Variants in RICTOR observed in about 807,000 individuals in gnomAD.
The protein encoded by RICTOR is RPTOR independent companion of MTOR complex 2, also known as rapamycin-insensitive companion of mTOR.
A neutral mutation model predicts 214.9 loss-of-function variants in RICTOR; 49 were observed. That is an observed-to-expected ratio of 0.23 (90% CI 0.18 to 0.29). The LOEUF (loss-of-function observed/expected upper bound fraction) is 0.29. Among genes scored for constraint, RICTOR ranks in the 10% least tolerant of loss-of-function variants. The pLI is 1.00. For synonymous variants in RICTOR, 717 were observed against 711.3 expected, an observed-to-expected ratio of 1.01 and a Z score of -0.13; for missense variants, 1,625 against 2,047.0, an observed-to-expected ratio of 0.79 and a Z score of 3.98.
intron 2 of RICTOR, among the ~76,000 whole-genome samples, chr5:39,050,405 C>A (rs1330584337): frequency 1.3e-5 from 2 of 151,932 alleles, no homozygotes; most frequent in African/African-American, 4.8e-5. Flanking sequence ...GGCACAATCT[C>A]GGCTCACTGT....
At chr5:39,022,988 C>T (rs756124888) in intron 2 of RICTOR, among the ~76,000 whole-genome samples, 6 of 152,000 alleles carry the variant, frequency 3.9e-5, no homozygotes, top group African/African-American at 1.2e-4. Flanking sequence ...GCTCAACAAG[C>T]GCCAATCACA....
chr5:38,978,366 T>C lies in RICTOR; in HGVS notation c.821+217A>G, dbSNP rs144279975. 4.6e-5 allele frequency among the ~76,000 whole-genome samples: 7 copies of C among 152,292 alleles called. No homozygotes were observed. The East Asian group carries it at 1.2e-3, about 25-fold the overall frequency. ...CCTTGGTTTCTGTCACAGTCTACCA[T>C]ATATTTTTGGAAATAAGAAATTAAT... is the stretch of plus-strand genomic sequence containing the variant. On this transcript the variant is annotated intron_variant, in intron 9 of 37. Transcript: ENST00000357387.
Position 38,952,434 on chromosome 5 carries a change from A to T in RICTOR, c.2898-9T>A. On this transcript the variant is annotated splice_polypyrimidine_tract_variant and intron_variant, in intron 29 of 37. Transcript: ENST00000357387. ...GTACATATACACAGGTCCTGTATAT[A>T]AAAGATGCAGTAAAAACAGTTATAA... The T allele has an allele frequency of 6.5e-7, 1 of 1,540,108 alleles. No homozygotes were observed. Among genetic ancestry groups the T allele is most frequent in the Non-Finnish European group, 9.0e-7 (1 of 1,114,438 alleles).
At chr5:38,985,477 T>C (rs1317074023) in intron 7 of RICTOR, among the ~76,000 whole-genome samples, 2 of 152,202 alleles carry the variant, frequency 1.3e-5, no homozygotes, top group African/African-American at 4.8e-5. Context: ...AAATTACTTA[T>C]TTTACTTGTT....
At chr5:38,949,517 T>A in intron 31 of RICTOR, 195 bp downstream of exon 31, 4 of 1,239,418 alleles carry the variant, frequency 3.2e-6, no homozygotes, top group Non-Finnish European at 4.5e-6. Flanking sequence ...CCTATAGGAT[T>A]TTCTTCCCCC....
chr5:39,018,902 G>A (rs1217206232), intron 3 of RICTOR, among the ~76,000 whole-genome samples: 3 of 152,110 alleles, frequency 2.0e-5, no homozygotes, highest in African/African-American at 7.2e-5. Flanking sequence ...GCCAACTTGT[G>A]AATGCAAAGG....
In RICTOR at chr5:38,959,268, A is replaced by T; in HGVS notation, c.2105T>A (p.Val702Asp). 6.3e-7 allele frequency: 1 copy of T among 1,598,472 alleles called. No homozygotes were observed. Among genetic ancestry groups the T allele is most frequent in the Non-Finnish European group, 8.5e-7 (1 of 1,170,834 alleles). Reference protein sequence around the residue: ...KNQDHLLKLTVSSLDYSRDGL... With the variant: ...KNQDHLLKLTDSSLDYSRDGL... ...ATCTCTGCTATAGTCCAAGCTAGAA[A>T]CAGTAAGTTTTAGCAAGTGATCTTG... Residue 702 changes from valine to aspartate, a missense_variant, in exon 22 of 38, where the codon GTT (valine) becomes GAT (aspartate). This residue lies in a region of RICTOR where 1,214 missense variants were observed against 1,470.5 expected (regional missense o/e 0.83). Transcript: ENST00000357387.
chr5:39,070,158 C>A (rs1759203205), intron 2 of RICTOR, among the ~76,000 whole-genome samples: 1 of 152,140 alleles, frequency 6.6e-6, no homozygotes, highest in African/African-American at 2.4e-5. Flanking sequence ...CCAGAAGAAA[C>A]TGGAAAATAA....
intron 9 of RICTOR, among the ~76,000 whole-genome samples, chr5:38,976,669 A>G (rs1751254026): frequency 6.6e-6 from 1 of 152,184 alleles, no homozygotes; most frequent in African/African-American, 2.4e-5. Context: ...TAAACTTGTA[A>G]TATTTTAAAA....
At chr5:39,061,482 T>C (rs757169655) in intron 2 of RICTOR, among the ~76,000 whole-genome samples, 2 of 152,068 alleles carry the variant, frequency 1.3e-5, no homozygotes, top group Non-Finnish European at 2.9e-5. Flanking sequence ...ATTTCTAAAG[T>C]AGCTTCCAAA....
chr5:38,946,187 T>C (rs962268380), intron 33 of RICTOR, among the ~76,000 whole-genome samples: 12 of 152,226 alleles, frequency 7.9e-5, no homozygotes, highest in South Asian at 2.1e-4. Flanking sequence ...ATTAGTGTTA[T>C]ACATTGTTCA....
chr5:38,967,273 T>G, intron 13 of RICTOR, 46 bp from the exon 14 acceptor site: 1 of 1,595,716 alleles, frequency 6.3e-7, no homozygotes, highest in Non-Finnish European at 8.6e-7. Flanking sequence ...TTTCATAGAT[T>G]ACACAGTCTA....
intron 2 of RICTOR, among the ~76,000 whole-genome samples, chr5:39,039,614 T>C (rs1757013439): frequency 6.6e-6 from 1 of 151,922 alleles, no homozygotes; most frequent in African/African-American, 2.4e-5. Flanking sequence ...TCAAACAAAT[T>C]TACAAGGAAA....
chr5:38,958,849 T>C lies in RICTOR; in HGVS notation c.2179-18A>G. ...CTGCAGGCCTATAAGGATAAATGAATACATTAAAAAAAAAAAAAACTTCAG... is the reference window on the plus strand; with the variant it reads ...CTGCAGGCCTATAAGGATAAATGAACACATTAAAAAAAAAAAAAACTTCAG... On this transcript the variant is annotated intron_variant, in intron 22 of 37. Transcript: ENST00000357387. 1.4e-6 allele frequency: 2 copies of C among 1,462,034 alleles called. No individual in the cohort carries two copies. Among genetic ancestry groups the C allele is most frequent in the African/African-American group, 1.5e-5 (1 of 68,144 alleles). 90.6% of individuals were successfully genotyped at this position (1,462,034 alleles called of 1,614,324 possible).
chr5:39,021,354 T>C (rs1032320127), intron 2 of RICTOR, among the ~76,000 whole-genome samples: 4 of 152,174 alleles, frequency 2.6e-5, no homozygotes, highest in Non-Finnish European at 5.9e-5. Context: ...CTCTGTATCA[T>C]TGCCTGGAAT....
At chr5:39,051,597 T>TA (rs1013216341) in intron 2 of RICTOR, among the ~76,000 whole-genome samples, 1 of 151,726 alleles carries the variant, frequency 6.6e-6, no homozygotes, top group Non-Finnish European at 1.5e-5. Context: ...AAAATAAAAA[T>TA]AAAAAAATTA....
intron 2 of RICTOR, among the ~76,000 whole-genome samples, chr5:39,053,668 GGATC>G: frequency 6.6e-6 from 1 of 152,132 alleles, no homozygotes; most frequent in East Asian, 1.9e-4. Flanking sequence ...CGAGATGGGT[GGATC>G]ACGAGGTCAG....
intron 7 of RICTOR, among the ~76,000 whole-genome samples, chr5:38,988,118 C>T (rs944007271): frequency 4.7e-5 from 7 of 150,282 alleles, no homozygotes; most frequent in African/African-American, 1.8e-4. Context: ...TGTTTTACTT[C>T]CAAGTATGTG....
intron 16 of RICTOR, among the ~76,000 whole-genome samples, chr5:38,963,355 T>C (rs977921211): frequency 7.2e-5 from 11 of 151,978 alleles, no homozygotes; most frequent in Admixed American, 1.3e-4. Flanking sequence ...CTTATCGAAA[T>C]TTTAAAGCTT....
Sources: gnomAD v4.1 joint callset for allele counts (sites outside exome capture counted in the v4.1 genomes callset) on GRCh38, gnomAD v4.1.1 for gene constraint, gnomAD v4.1.1 regional missense constraint, MANE v1.5 for transcripts, NCBI Gene and HGNC (gene_info 2026-07-23, HGNC 2026-07-21) for gene names.